GLYAT: variants seen among roughly 807,000 people sequenced by gnomAD.
GLYAT encodes glycine-N-acyltransferase, also known as glycine N-acyltransferase.
Under a neutral mutation model 22.8 loss-of-function variants are expected in GLYAT, and 25 were observed. The ratio of observed to expected loss-of-function variants is 1.09; its 90% confidence interval spans 0.80 to 1.53. The LOEUF (loss-of-function observed/expected upper bound fraction) is 1.53. GLYAT is among the 40% of genes most tolerant of loss of function. The probability of loss-of-function intolerance (pLI) is 0.00; values close to 1 mark genes in which losing one functional copy is unlikely to be tolerated. For synonymous variants in GLYAT, 140 were observed against 122.7 expected (o/e 1.14, Z -0.93); for missense variants, 411 against 353.9 (o/e 1.16, Z -1.29).
chr11:58,724,345 A>G lies in GLYAT; in HGVS notation c.81+71T>C, dbSNP rs879143509. The G allele has an allele frequency of 4.0e-6, 3 of 752,326 alleles. 1 individual carries two copies. In the South Asian group the frequency reaches 5.6e-5, roughly 14 times the overall value. 46.6% of individuals were successfully genotyped at this position (752,326 alleles called of 1,614,324 possible). On this transcript the variant is annotated intron_variant, in intron 2 of 5. Coordinates refer to ENST00000344743, the MANE Select transcript of GLYAT (RefSeq NM_201648.3). ...GGCTCAAAATAGGTGCATCATAAAT[A>G]TCAGTCCCTTTCCCTCCTCTTTCAC...
intron 1 of GLYAT, 83 bp from the exon 2 acceptor site, chr11:58,724,594 G>T (rs1192426959): frequency 1.9e-6 from 1 of 529,242 alleles, no homozygotes; most frequent in South Asian, 3.9e-5. Flanking sequence ...CTTTATTAAT[G>T]ACCAGGTTTT....
At chr11:58,720,167 A>T (rs929032925) in intron 2 of GLYAT, among the ~76,000 whole-genome samples, 1 of 151,924 alleles carries the variant, frequency 6.6e-6, no homozygotes, top group Non-Finnish European at 1.5e-5. Context: ...AATTGGAAAA[A>T]AACTTGTTCA....
chr11:58,713,571 CT>C (rs1321132000), intron 3 of GLYAT, among the ~76,000 whole-genome samples: 2 of 152,058 alleles, frequency 1.3e-5, no homozygotes, highest in African/African-American at 4.8e-5. Flanking sequence ...TTCAAAATGC[CT>C]TCTTTAAAAA....
rs565778896 is a variant in GLYAT, at chr11:58,731,937, G to A, written c.-118C>T. On this transcript the variant is annotated 5_prime_UTR_variant, in exon 1 of 6. Coordinates refer to ENST00000344743, the MANE Select transcript of GLYAT (RefSeq NM_201648.3). ...GATGCAGCCAGTTCAGCAGAGTCTC[G>A]CAGAGTAAATTTTGATACACCACCT... 23 of 152,196 alleles carry A rather than the reference G, an allele frequency of 1.5e-4. 1 individual carries two copies. The highest frequency in any genetic ancestry group is 4.3e-4 in the African/African-American group (18 of 41,532). The allele number at this position is 152,196 out of a possible 1,614,324, so 9.4% of individuals were successfully genotyped here.
chr11:58,716,165 GGTGAGAATGA>G (rs1856677592), intron 2 of GLYAT, among the ~76,000 whole-genome samples: 1 of 152,070 alleles, frequency 6.6e-6, no homozygotes, highest in Admixed American at 6.6e-5. Flanking sequence ...GAGGGTAGGA[GGTGAGAATGA>G]GTGAGAGTAA....
intron 5 of GLYAT, 32 bp from the exon 6 acceptor site, chr11:58,710,200 A>G (rs745647355): frequency 4.4e-6 from 7 of 1,579,814 alleles, no homozygotes; most frequent in South Asian, 2.4e-5. Context: ...AACAAAATCC[A>G]TTAGTATAAA....
intron 3 of GLYAT, among the ~76,000 whole-genome samples, chr11:58,714,818 T>C (rs1856659480): frequency 6.6e-6 from 1 of 152,148 alleles, no homozygotes; most frequent in Non-Finnish European, 1.5e-5. Flanking sequence ...CAATTAAACG[T>C]CTTTCCTTGA....
At chr11:58,722,563 C>G (rs1369681176) in intron 2 of GLYAT, among the ~76,000 whole-genome samples, 1 of 152,074 alleles carries the variant, frequency 6.6e-6, no homozygotes, top group Admixed American at 6.6e-5. Context: ...GTGAGACAAA[C>G]AATTCATTCT....
intron 2 of GLYAT, among the ~76,000 whole-genome samples, chr11:58,715,704 C>T (rs1490646409): frequency 6.6e-6 from 1 of 152,094 alleles, no homozygotes; most frequent in Non-Finnish European, 1.5e-5. Context: ...TGCTATTTTT[C>T]ATCATTGAAC....
At chr11:58,712,560 T>C (rs1229051703) in intron 4 of GLYAT, among the ~76,000 whole-genome samples, 200 bp downstream of exon 4, 1 of 152,196 alleles carries the variant, frequency 6.6e-6, no homozygotes, top group East Asian at 1.9e-4. Context: ...TATACTATAG[T>C]TCCCTTTATG....
chr11:58,724,348 A>G, intron 2 of GLYAT, 68 bp downstream of exon 2: 1 of 761,386 alleles, frequency 1.3e-6, no homozygotes, highest in South Asian at 1.8e-5. Flanking sequence ...CATAAATATC[A>G]GTCCCTTTCC....
At chr11:58,726,920 A>G (rs190871772) in intron 1 of GLYAT, among the ~76,000 whole-genome samples, 183 of 152,254 alleles carry the variant, frequency 1.2e-3, no homozygotes, top group Non-Finnish European at 1.9e-3. Flanking sequence ...GAACCTCTGG[A>G]GGCCTTGGGA....
intron 5 of GLYAT, 41 bp downstream of exon 5, chr11:58,710,549 G>C: frequency 6.9e-7 from 1 of 1,442,032 alleles, no homozygotes; most frequent in East Asian, 2.3e-5. Flanking sequence ...GAGGTTACTT[G>C]AGAGGTGTGA....
chr11:58,713,720 G>A (rs524234), intron 3 of GLYAT, among the ~76,000 whole-genome samples: 102,825 of 151,872 alleles, frequency 0.68, 36,755 homozygotes, highest in Middle Eastern at 0.87. Context: ...AACTATTATA[G>A]AATTAAAAAA....
At chr11:58,730,925 C>G in intron 1 of GLYAT, among the ~76,000 whole-genome samples, 1 of 152,040 alleles carries the variant, frequency 6.6e-6, no homozygotes, top group East Asian at 1.9e-4. Flanking sequence ...TGCCTACAGA[C>G]ATAATATATA....
intron 3 of GLYAT, among the ~76,000 whole-genome samples, chr11:58,714,382 T>G (rs1856653511): frequency 6.6e-6 from 1 of 152,202 alleles, no homozygotes; most frequent in Non-Finnish European, 1.5e-5. Flanking sequence ...AGTATATTTG[T>G]GTTTTCTGAT....
intron 1 of GLYAT, among the ~76,000 whole-genome samples, chr11:58,729,492 T>A (rs1369608428): frequency 6.6e-6 from 1 of 152,214 alleles, no homozygotes; most frequent in Non-Finnish European, 1.5e-5. Context: ...AGATGTTGAA[T>A]TCTTCTGAGG....
intron 2 of GLYAT, among the ~76,000 whole-genome samples, chr11:58,717,907 C>A (rs1035646015): frequency 1.3e-5 from 2 of 152,016 alleles, no homozygotes; most frequent in African/African-American, 4.8e-5. Flanking sequence ...ATAGCAAAAC[C>A]TAGCCATGAA....
intron 1 of GLYAT, among the ~76,000 whole-genome samples, chr11:58,727,222 G>C (rs1167873450): frequency 6.6e-6 from 1 of 152,128 alleles, no homozygotes; most frequent in African/African-American, 2.4e-5. Flanking sequence ...CAAGCTTGTA[G>C]GATAAAAACA....
Sources: gnomAD v4.1 joint callset for allele counts (sites outside exome capture counted in the v4.1 genomes callset) on GRCh38, gnomAD v4.1.1 for gene constraint, MANE v1.5 for transcripts, NCBI Gene and HGNC (gene_info 2026-07-23, HGNC 2026-07-21) for gene names.